The following ENKUR variants were observed in gnomAD, a reference collection of about 807,000 sequenced individuals.
ENKUR encodes the protein enkurin.
A neutral mutation model predicts 27.6 loss-of-function variants in ENKUR; 19 were observed. That is an observed-to-expected ratio of 0.69 (90% confidence interval 0.48 to 1.01). ENKUR has a LOEUF of 1.01. ENKUR is among the 50% of genes least tolerant of loss of function. The pLI is 0.00. For missense variants in ENKUR, 312 were observed against 310.5 expected, an observed-to-expected ratio of 1.00 and a Z score of -0.04; for synonymous variants, 117 against 96.9, an observed-to-expected ratio of 1.21 and a Z score of -1.22.
intron 1 of ENKUR, among the ~76,000 whole-genome samples, chr10:25,005,846 C>T (rs544667633): frequency 1.3e-5 from 2 of 152,298 alleles, no homozygotes; most frequent in Admixed American, 1.3e-4. Flanking sequence ...GTACCTCTCA[C>T]AAGCTGTTGA....
chr10:25,022,649 A>G (rs556086698), intron 2 of ENKUR, among the ~76,000 whole-genome samples: 41 of 152,324 alleles, frequency 2.7e-4, no homozygotes, highest in African/African-American at 6.3e-4. Context: ...TATGACTTCT[A>G]TAAGAAATTT....
intron 2 of ENKUR, among the ~76,000 whole-genome samples, chr10:25,033,825 GTCTATCTATC>G (rs1378039187): frequency 9.3e-4 from 139 of 148,728 alleles, no homozygotes; most frequent in African/African-American, 3.4e-3. Context: ...GTGTGTGTGT[GTCTATCTATC>G]TATCTATCTA....
At chr10:25,018,154 CTG>C (rs1850646494), upstream of ENKUR, among the ~76,000 whole-genome samples, 1 of 152,206 alleles carries the variant, frequency 6.6e-6, no homozygotes, top group Non-Finnish European at 1.5e-5. Context: ...CAAGACCTCA[CTG>C]TGGTATAGTT....
chr10:25,045,919 A>C (rs1285314521), intron 2 of ENKUR, among the ~76,000 whole-genome samples: 1 of 152,222 alleles, frequency 6.6e-6, no homozygotes, highest in Non-Finnish European at 1.5e-5. Flanking sequence ...ATATATAGAG[A>C]GATATAAATA....
upstream of ENKUR, chr10:25,016,526 G>C (rs760481986): frequency 1.3e-5 from 2 of 152,460 alleles, no homozygotes; most frequent in African/African-American, 4.8e-5. Context: ...AGGGAGGGGA[G>C]GAGCCTGAGG....
At chr10:25,030,829 T>C (rs1315922757) in intron 2 of ENKUR, among the ~76,000 whole-genome samples, 1 of 152,190 alleles carries the variant, frequency 6.6e-6, no homozygotes, top group East Asian at 1.9e-4. Flanking sequence ...ATTCTAAAGA[T>C]AGTGCTTGGC....
intron 2 of ENKUR, chr10:25,024,806 G>T: frequency 6.2e-7 from 1 of 1,614,142 alleles, no homozygotes; most frequent in Middle Eastern, 1.6e-4. Context: ...ATCCCGATTC[G>T]AAAATTTATC....
At chr10:25,009,056 T>G (rs1850379942) in intron 1 of ENKUR, among the ~76,000 whole-genome samples, 3 of 151,846 alleles carry the variant, frequency 2.0e-5, no homozygotes, top group South Asian at 4.2e-4. Context: ...AATTGAACAG[T>G]GAGAACACAT....
intron 2 of ENKUR, among the ~76,000 whole-genome samples, chr10:25,050,449 G>C (rs1160256900): frequency 1.3e-5 from 2 of 152,180 alleles, no homozygotes; most frequent in Admixed American, 1.3e-4. Context: ...CATGGTGGCA[G>C]GCAAGAGAGC....
intron 2 of ENKUR, among the ~76,000 whole-genome samples, chr10:25,022,640 A>G (rs955471099): frequency 3.3e-5 from 5 of 152,198 alleles, no homozygotes; most frequent in Non-Finnish European, 5.9e-5. Context: ...GTTTCCTGTT[A>G]TGACTTCTAT....
chr10:25,057,197 G>A (rs932536392), intron 2 of ENKUR, among the ~76,000 whole-genome samples: 11 of 152,126 alleles, frequency 7.2e-5, no homozygotes, highest in African/African-American at 2.7e-4. Context: ...ATTTTTGCAA[G>A]ATGGTATGCA....
intron 1 of ENKUR, among the ~76,000 whole-genome samples, chr10:25,009,749 GATAGTGA>G (rs1307176196): frequency 6.6e-6 from 1 of 152,134 alleles, no homozygotes; most frequent in African/African-American, 2.4e-5. Flanking sequence ...CTGTTCTTGG[GATAGTGA>G]ATAAGTCACA....
intron 2 of ENKUR, among the ~76,000 whole-genome samples, chr10:25,046,156 A>T (rs548617732): frequency 1.4e-4 from 21 of 152,350 alleles, no homozygotes; most frequent in African/African-American, 3.8e-4. Context: ...ATTAATTATT[A>T]TAACTCAATC....
chr10:25,059,046 A>T (rs1055705614), intron 2 of ENKUR, among the ~76,000 whole-genome samples: 1 of 143,770 alleles, frequency 7.0e-6, no homozygotes, highest in Admixed American at 6.9e-5. Flanking sequence ...CAACCTTCAG[A>T]TTGTAGTTTT....
chr10:25,038,576 C>G (rs1323451673), intron 2 of ENKUR, among the ~76,000 whole-genome samples: 4 of 152,098 alleles, frequency 2.6e-5, no homozygotes, highest in Non-Finnish European at 5.9e-5. Flanking sequence ...AAGGATACAT[C>G]ATATTATTCT....
intron 2 of ENKUR, chr10:25,023,993 A>G (rs771372476): frequency 6.8e-6 from 11 of 1,614,190 alleles, no homozygotes; most frequent in Non-Finnish European, 9.3e-6. Context: ...GCTGTAATTG[A>G]GGGGTTGGCT....
intron 2 of ENKUR, chr10:25,061,092 C>T: frequency 6.5e-7 from 1 of 1,535,832 alleles, no homozygotes; most frequent in Non-Finnish European, 8.7e-7. Context: ...AACCTGTGAA[C>T]ACAAGAATGT....
At chr10:25,003,246 G>T (rs1850236225) in intron 1 of ENKUR, among the ~76,000 whole-genome samples, 1 of 151,682 alleles carries the variant, frequency 6.6e-6, no homozygotes. Flanking sequence ...CAGTGGTGTT[G>T]CCCAGGCTGG....
intron 2 of ENKUR, among the ~76,000 whole-genome samples, chr10:25,056,853 T>C (rs1851263231): frequency 6.6e-6 from 1 of 152,170 alleles, no homozygotes; most frequent in Admixed American, 6.5e-5. Context: ...CACTAGGACC[T>C]GGTCTAAATG....
Sources: allele counts gnomAD v4.1 joint callset (sites outside exome capture counted in the v4.1 genomes callset), GRCh38; gene constraint gnomAD v4.1.1; transcripts MANE v1.5; gene names NCBI Gene and HGNC (gene_info 2026-07-23, HGNC 2026-07-21).